Variants in AKAP9 observed in about 807,000 individuals in gnomAD.
AKAP9 encodes the protein A-kinase anchor protein 9.
In AKAP9, 311 loss-of-function variants were observed where a neutral mutation model predicts 488.5. The ratio of observed to expected loss-of-function variants is 0.64; its 90% CI spans 0.58 to 0.70. AKAP9 has a LOEUF of 0.70. AKAP9 is among the 30% of genes least tolerant of loss of function. The pLI is 0.00. For synonymous variants in AKAP9, 1,462 were observed against 1,483.5 expected (o/e 0.99, Z 0.33); for missense variants, 4,215 against 4,374.5 (o/e 0.96, Z 1.03).
intron 7 of AKAP9, among the ~76,000 whole-genome samples, chr7:91,998,416 CTCTTTTTTTTTTTTTT>C (rs1268652165): frequency 1.7e-5 from 1 of 57,354 alleles, no homozygotes; most frequent in Non-Finnish European, 4.1e-5. Context: ...AACCACAGGG[CTCTTTTTTTTTTTTTT>C]TTTTTTTTTT....
At chr7:92,037,318 C>T (rs893497831) in intron 16 of AKAP9, among the ~76,000 whole-genome samples, 2 of 152,080 alleles carry the variant, frequency 1.3e-5, no homozygotes, top group African/African-American at 4.8e-5. Flanking sequence ...AGGAGGCTAG[C>T]ACAGGAACCA....
chr7:91,983,607 G>A (rs1020063939), intron 3 of AKAP9, among the ~76,000 whole-genome samples: 3 of 152,138 alleles, frequency 2.0e-5, no homozygotes, highest in Non-Finnish European at 2.9e-5. Flanking sequence ...TCTAGTTCTA[G>A]ATCCTTGAGG....
At position 92,080,077 on chromosome 7, in the gene AKAP9, G is replaced by A; in HGVS notation, c.7944G>A (p.Lys2648=). 6.3e-7 allele frequency: 1 copy of A among 1,578,302 alleles called. No individual in the cohort carries two copies. Among genetic ancestry groups the A allele is most frequent in the Non-Finnish European group, 8.5e-7 (1 of 1,172,070 alleles). ...AAAAGAAGCTGCTAGAACTACAGAA[G>A]CTATTGGAGGGCAATGAGAAAAAAC... is the stretch of plus-strand genomic sequence containing the variant. ...EKEKKLLELQ[K]LLEGNEKKQR... The change falls in exon 31 of 50, where the codon AAG becomes AAA. Residue 2648 remains lysine, a synonymous_variant. Transcript: ENST00000356239.
chr7:92,079,933 T>C lies in AKAP9; in HGVS notation c.7800T>C (p.Asp2600=), dbSNP rs770573236. 43 of 1,612,134 alleles carry C rather than the reference T, an allele frequency of 2.7e-5. No homozygotes were observed. The highest frequency in any genetic ancestry group is 4.0e-5 in the African/African-American group (3 of 74,762). ...NQLREDELGS[D]ISALTLRISE... The stretch of plus-strand genomic sequence containing the variant: ...TAAGAGAAGATGAGTTGGGGTCAGA[T>C]ATATCAGCATTAACCTTGAGAATAT... The change falls in exon 31 of 50, where the codon GAT becomes GAC. Residue 2600 remains aspartate, a synonymous_variant. Coordinates refer to ENST00000356239, the MANE Select transcript of AKAP9 (RefSeq NM_005751.5).
chr7:92,043,322 C>T (rs1806417266), intron 20 of AKAP9: 1 of 984,972 alleles, frequency 1.0e-6, no homozygotes, highest in African/African-American at 1.7e-5. Flanking sequence ...TTGGCTTCCC[C>T]ATTGGATCAT....
chr7:92,052,001 A>C (rs1808061759), intron 21 of AKAP9, among the ~76,000 whole-genome samples: 1 of 152,170 alleles, frequency 6.6e-6, no homozygotes, highest in Non-Finnish European at 1.5e-5. Context: ...ATAAGAAATA[A>C]GAATAGTGTG....
intron 3 of AKAP9, among the ~76,000 whole-genome samples, chr7:91,988,953 A>ACGATG (rs1360657923): frequency 1.3e-5 from 2 of 152,156 alleles, no homozygotes; most frequent in Non-Finnish European, 2.9e-5. Context: ...AAAATGGGGG[A>ACGATG]CGATGATATC....
Position 92,038,726 on chromosome 7 carries a change from C to T in AKAP9, c.4646C>T (p.Ser1549Leu). 1 of 1,606,766 alleles carries T rather than the reference C, an allele frequency of 6.2e-7. No homozygotes were observed. The highest frequency in any genetic ancestry group is 8.5e-7 in the Non-Finnish European group (1 of 1,177,790). Residue 1549 changes from serine to leucine, a missense_variant, in exon 17 of 50, where the codon TCA becomes TTA. This residue lies in a region of AKAP9 where 2,361 missense variants were observed against 2,430.0 expected (regional missense o/e 0.97). Coordinates refer to ENST00000356239, the MANE Select transcript of AKAP9 (RefSeq NM_005751.5). ...PESKDCVLTI[S>L]EEMFSKDKTF... ...TCAAAGGACTGTGTGCTGACTATTT[C>T]AGAAGAAATGTTCTCCAAAGATAAA...
intron 12 of AKAP9, among the ~76,000 whole-genome samples, chr7:92,020,083 G>A (rs1292952584): frequency 1.3e-5 from 2 of 152,106 alleles, no homozygotes; most frequent in African/African-American, 4.8e-5. Context: ...TAGCAAACAG[G>A]TAGATGTCTT....
chr7:92,045,830 C>CTTTTTTTT (rs35346628), intron 21 of AKAP9, among the ~76,000 whole-genome samples: 5 of 108,914 alleles, frequency 4.6e-5, no homozygotes, highest in South Asian at 3.1e-4. Flanking sequence ...CTTTCCGTTT[C>CTTTTTTTT]TTTTTTTTTT....
At chr7:91,982,053 C>T (rs1279271483) in intron 3 of AKAP9, among the ~76,000 whole-genome samples, 2 of 151,960 alleles carry the variant, frequency 1.3e-5, no homozygotes, top group African/African-American at 2.4e-5. Flanking sequence ...TAGGTCAGAC[C>T]CTCCCATATA....
intron 14 of AKAP9, among the ~76,000 whole-genome samples, chr7:92,027,694 C>T (rs1320954387): frequency 2.8e-4 from 42 of 148,992 alleles, no homozygotes; most frequent in Admixed American, 2.7e-4. Context: ...TCTGCCTGGC[C>T]GCCCCGTCTG....
intron 3 of AKAP9, among the ~76,000 whole-genome samples, chr7:91,985,547 T>A (rs1170745339): frequency 6.6e-6 from 1 of 152,192 alleles, no homozygotes; most frequent in Admixed American, 6.5e-5. Flanking sequence ...TGCATTCATG[T>A]TAATCAGGGA....
At chr7:91,946,787 A>C (rs1396810260) in intron 1 of AKAP9, among the ~76,000 whole-genome samples, 1 of 152,238 alleles carries the variant, frequency 6.6e-6, no homozygotes, top group Non-Finnish European at 1.5e-5. Flanking sequence ...GGAAAGAGGA[A>C]GTGAAAAAGG....
At chr7:92,026,246 GT>G (rs1397363842) in intron 14 of AKAP9, among the ~76,000 whole-genome samples, 2 of 152,104 alleles carry the variant, frequency 1.3e-5, no homozygotes, top group Non-Finnish European at 2.9e-5. Flanking sequence ...ACGCCAGACT[GT>G]TTTTTTCAGT....
chr7:92,100,833 T>TA (rs1402886951), intron 44 of AKAP9, 23 bp from the exon 45 acceptor site: 2 of 1,613,812 alleles, frequency 1.2e-6, no homozygotes, highest in Middle Eastern at 1.7e-4. Flanking sequence ...GAGACTTGTG[T>TA]AAGTAGGCTG....
Position 91,991,718 on chromosome 7 carries a change from G to A in AKAP9, c.352-440G>A, listed in dbSNP as rs181977443. Reference sequence around the variant, plus strand: ...GATCTCCTGAGCTCATGATCTGCCCGCCTCAGCCTCCCAAAGTGCTGGGAT... The same window carrying A: ...GATCTCCTGAGCTCATGATCTGCCCACCTCAGCCTCCCAAAGTGCTGGGAT... On this transcript the variant is annotated intron_variant, in intron 3 of 49. Transcript: ENST00000356239. Among the ~76,000 whole-genome samples the A allele has an allele frequency of 1.6e-3, 242 of 152,186 alleles. 1 individual carries two copies. The highest frequency in any genetic ancestry group is 5.7e-3 in the African/African-American group (236 of 41,510).
chr7:91,946,812 G>C (rs1043571318), intron 1 of AKAP9, among the ~76,000 whole-genome samples: 1 of 152,156 alleles, frequency 6.6e-6, no homozygotes, highest in Non-Finnish European at 1.5e-5. Context: ...ATACATCCAA[G>C]TGATTGAAAT....
chr7:92,070,003 T>C, intron 26 of AKAP9, 27 bp from the exon 27 acceptor site: 2 of 1,603,172 alleles, frequency 1.2e-6, no homozygotes, highest in Non-Finnish European at 1.7e-6. Flanking sequence ...TTTTTTTAAA[T>C]TAAATTTTTT....
Sources: allele counts gnomAD v4.1 joint callset (sites outside exome capture counted in the v4.1 genomes callset), GRCh38; gene constraint gnomAD v4.1.1; regional missense constraint gnomAD v4.1.1; transcripts MANE v1.5; gene names NCBI Gene and HGNC (gene_info 2026-07-23, HGNC 2026-07-21).